Variants in CSDE1 observed in about 807,000 individuals in gnomAD.
CSDE1 encodes cold shock domain containing E1.
A neutral mutation model predicts 89.3 loss-of-function variants in CSDE1; 17 were observed. The observed-to-expected ratio is 0.19, with a 90% CI of 0.13 to 0.29. The LOEUF (loss-of-function observed/expected upper bound fraction) is 0.29. Ranked by LOEUF, CSDE1 falls within the 10% of genes least tolerant of loss-of-function variation. The pLI is 1.00. For synonymous variants in CSDE1, 322 were observed against 332.8 expected, an observed-to-expected ratio of 0.97 and a Z score of 0.35; for missense variants, 672 against 984.2, an observed-to-expected ratio of 0.68 and a Z score of 4.24.
chr1:114,718,438 G>A (rs966383614), intron 19 of CSDE1, among the ~76,000 whole-genome samples, 175 bp downstream of exon 19: 3 of 152,186 alleles, frequency 2.0e-5, no homozygotes, highest in African/African-American at 7.2e-5. Flanking sequence ...GCTTCTTACT[G>A]TAAGCAACCA....
intron 14 of CSDE1, 25 bp from the exon 15 acceptor site, chr1:114,725,358 A>T (rs774256400): frequency 3.2e-6 from 5 of 1,543,698 alleles, no homozygotes; most frequent in Non-Finnish European, 4.5e-6. Context: ...AATGACATTT[A>T]ACTAAACATT....
At chr1:114,741,552 TTTTG>T in intron 2 of CSDE1, 1 of 1,551,198 alleles carries the variant, frequency 6.4e-7, no homozygotes, top group Non-Finnish European at 8.7e-7. Context: ...TGGGGTCCTC[TTTTG>T]TTTTTTAGTC....
intron 2 of CSDE1, among the ~76,000 whole-genome samples, chr1:114,749,191 G>A (rs1023969257): frequency 2.6e-5 from 4 of 152,036 alleles, no homozygotes; most frequent in African/African-American, 9.7e-5. Flanking sequence ...TTACCTCCAA[G>A]GGAACAGCTT....
chr1:114,721,732 G>A (rs1659534444), intron 16 of CSDE1, among the ~76,000 whole-genome samples: 1 of 152,044 alleles, frequency 6.6e-6, no homozygotes, highest in Non-Finnish European at 1.5e-5. Context: ...GGGACTACAG[G>A]CACACACCAT....
intron 16 of CSDE1, among the ~76,000 whole-genome samples, chr1:114,722,166 A>T (rs1318563086): frequency 1.1e-4 from 16 of 152,200 alleles, no homozygotes; most frequent in Admixed American, 1.0e-3. Flanking sequence ...TACAGGTGTG[A>T]GCCCCTACTC....
chr1:114,734,761 G>A (rs993016134), intron 6 of CSDE1, among the ~76,000 whole-genome samples: 3 of 152,126 alleles, frequency 2.0e-5, no homozygotes, highest in African/African-American at 4.8e-5. Flanking sequence ...CTTTCTCTGG[G>A]ACTGTTGTTG....
intron 16 of CSDE1, among the ~76,000 whole-genome samples, chr1:114,722,945 GCTGA>G (rs1659605645): frequency 6.6e-6 from 1 of 152,138 alleles, no homozygotes; most frequent in South Asian, 2.1e-4. Flanking sequence ...CTTTATGTTC[GCTGA>G]CTCTTAGATG....
intron 1 of CSDE1, among the ~76,000 whole-genome samples, chr1:114,754,422 G>A (rs1348571915): frequency 6.6e-6 from 1 of 152,248 alleles, no homozygotes; most frequent in Non-Finnish European, 1.5e-5. Context: ...CATCTAAAAT[G>A]TATCACACTA....
intron 5 of CSDE1, 40 bp downstream of exon 5, chr1:114,737,431 G>A (rs375293623): frequency 1.4e-6 from 2 of 1,425,888 alleles, no homozygotes; most frequent in Non-Finnish European, 2.0e-6. Context: ...AGATCACATG[G>A]TGGATCAGGC....
At chr1:114,730,229 A>G (rs1215547049) in intron 12 of CSDE1, 29 bp downstream of exon 12, 1 of 1,605,578 alleles carries the variant, frequency 6.2e-7, no homozygotes, top group Admixed American at 1.7e-5. Context: ...AAACAGCTAC[A>G]AAAATCATTT....
chr1:114,749,231 C>A (rs1483522382), intron 2 of CSDE1, among the ~76,000 whole-genome samples: 1 of 152,150 alleles, frequency 6.6e-6, no homozygotes, highest in Non-Finnish European at 1.5e-5. Context: ...TTATTAGTAT[C>A]TTTTAGCCTA....
At position 114,730,645 on chromosome 1, in the gene CSDE1, C is replaced by G. The variant is rs750294548; in HGVS notation, c.1054G>C (p.Val352Leu). The G allele has an allele frequency of 6.2e-7, 1 of 1,613,528 alleles. No individual in the cohort carries two copies. Among genetic ancestry groups the G allele is most frequent in the Non-Finnish European group, 8.5e-7 (1 of 1,179,886 alleles). The change falls in exon 11 of 20, where the codon GTG (valine) becomes CTG (leucine). Residue 352 changes from valine (V) to leucine (L), a missense_variant. By Grantham distance (32) the Val-to-Leu change is conservative. Around this residue, in one of 8 missense-constraint regions of CSDE1, gnomAD observed 169 missense variants for 262.9 expected, o/e 0.64. Transcript: ENST00000358528. ...AAACCATCTCTCATGGCAGCAATCA[C>G]ACCCTGAAACCCAAATAATATTTTC... Reference protein sequence around the residue: ...QFTNEAREMGVIAAMRDGFGF... With the variant: ...QFTNEAREMGLIAAMRDGFGF...
rs767867983 is a variant in CSDE1, at chr1:114,734,414, A to ACT, written c.582+26_582+27dup. The ACT allele has an allele frequency of 1.9e-5, 30 of 1,597,398 alleles. No homozygotes were observed. The Admixed American group carries it at 5.1e-4, about 27-fold the overall frequency. On this transcript the variant is annotated intron_variant, in intron 7 of 19. Coordinates refer to ENST00000358528, the MANE Select transcript of CSDE1 (RefSeq NM_001007553.3). ...ACAACATTTCAAGTGGCCAAAGAAA[A>ACT]CTCAAGTTTCTCAAATTTAACACTT...
At chr1:114,751,349 T>A (rs904332123) in intron 1 of CSDE1, among the ~76,000 whole-genome samples, 1 of 152,204 alleles carries the variant, frequency 6.6e-6, no homozygotes, top group African/African-American at 2.4e-5. Flanking sequence ...AAGGTGTACG[T>A]GCTGAGAAAT....
chr1:114,727,043 C>G lies in CSDE1; in HGVS notation c.1404G>C (p.Leu468=). ...CATCCTTGGCTTGAAAAGCAATAGT[C>G]AGTTTCACCCCACAGTCATCATAAG... ...IIAYDDCGVK[L]TIAFQAKDVE... Residue 468 remains leucine (L), a synonymous_variant, in exon 13 of 20, where the codon CTG becomes CTC. Transcript: ENST00000358528. 6.2e-7 allele frequency: 1 copy of G among 1,613,872 alleles called. No individual in the cohort carries two copies. The highest frequency in any genetic ancestry group is 8.5e-7 in the Non-Finnish European group (1 of 1,179,858).
At chr1:114,727,461 A>C (rs1447235140) in intron 12 of CSDE1, among the ~76,000 whole-genome samples, 1 of 152,220 alleles carries the variant, frequency 6.6e-6, no homozygotes, top group African/African-American at 2.4e-5. Flanking sequence ...TATTTCCTAA[A>C]GAAGCTGCTG....
chr1:114,739,783 A>G lies in CSDE1; in HGVS notation c.108T>C (p.Ser36=), dbSNP rs1268265849. 3.1e-6 allele frequency: 5 copies of G among 1,614,122 alleles called. No homozygotes were observed. The highest frequency in any genetic ancestry group is 4.2e-6 in the Non-Finnish European group (5 of 1,179,974). Residue 36 remains serine (S), a synonymous_variant, in exon 3 of 20, where the codon TCT becomes TCC. Coordinates refer to ENST00000358528, the MANE Select transcript of CSDE1 (RefSeq NM_001007553.3). The part of the protein sequence containing the change: ...ETGVIEKLLT[S]YGFIQCSERQ... Reference sequence around the variant, plus strand: ...GTTCTGAACACTGAATAAATCCGTAAGAGGTTAACAGTTTTTCAATAACCC... The same window carrying G: ...GTTCTGAACACTGAATAAATCCGTAGGAGGTTAACAGTTTTTCAATAACCC...
Position 114,718,214 on chromosome 1 carries a change from C to G in CSDE1, c.2352G>C (p.Gly784=), listed in dbSNP as rs531344093. ...RQPRGPDNSM[G]FGAERKIRQA... Reference sequence around the variant, plus strand: ...GACGGATCTTTCTTTCTGCACCAAACCCCTGTGGGGGGGAGAAAAAAAAAA... The same window carrying G: ...GACGGATCTTTCTTTCTGCACCAAAGCCCTGTGGGGGGGAGAAAAAAAAAA... The change falls in exon 20 of 20, where the codon GGG becomes GGC. Residue 784 remains glycine (G), a splice_region_variant and synonymous_variant. Transcript: ENST00000358528. 2 of 1,613,922 alleles carry G rather than the reference C, an allele frequency of 1.2e-6. No homozygotes were observed. The highest frequency in any genetic ancestry group is 1.7e-6 in the Non-Finnish European group (2 of 1,179,930).
At chr1:114,718,575 A>G in intron 19 of CSDE1, 38 bp downstream of exon 19, 1 of 1,600,118 alleles carries the variant, frequency 6.2e-7, no homozygotes, top group Non-Finnish European at 8.5e-7. Context: ...ATGTTGGTCT[A>G]TCAGTTGGCC....
Sources: allele counts gnomAD v4.1 joint callset (sites outside exome capture counted in the v4.1 genomes callset), GRCh38; gene constraint gnomAD v4.1.1; regional missense constraint gnomAD v4.1.1; transcripts MANE v1.5; gene names NCBI Gene and HGNC (gene_info 2026-07-23, HGNC 2026-07-21).